Variants in NTM observed in about 807,000 individuals in gnomAD.
NTM encodes the protein IgLON family member 2.
A neutral mutation model predicts 42.1 loss-of-function variants in NTM; 13 were observed. That is an observed-to-expected ratio of 0.31 (90% CI 0.20 to 0.49). The LOEUF (loss-of-function observed/expected upper bound fraction) is 0.49, where lower values mean the gene tolerates loss of function less well. Among genes scored for constraint, NTM ranks in the 20% least tolerant of loss-of-function variants. The probability of loss-of-function intolerance (pLI) is 0.99; values close to 1 mark genes in which losing one functional copy is unlikely to be tolerated. For synonymous variants in NTM, 187 were observed against 179.2 expected (o/e 1.04, Z -0.35); for missense variants, 373 against 452.8 (o/e 0.82, Z 1.60).
At chr11:131,775,442 C>T (rs2086808706) in intron 1 of NTM, among the ~76,000 whole-genome samples, 1 of 152,140 alleles carries the variant, frequency 6.6e-6, no homozygotes, top group Non-Finnish European at 1.5e-5. Context: ...GATGAGATGA[C>T]ATTTTGGGTG....
chr11:131,993,728 C>CGGT, intron 2 of NTM, among the ~76,000 whole-genome samples: 1 of 152,102 alleles, frequency 6.6e-6, no homozygotes, highest in South Asian at 2.1e-4. Flanking sequence ...ACAGGCTGAG[C>CGGT]GGTGGCTCAT....
chr11:131,881,492 A>G (rs2049483965), intron 1 of NTM, among the ~76,000 whole-genome samples: 1 of 151,452 alleles, frequency 6.6e-6, no homozygotes, highest in Admixed American at 6.6e-5. Flanking sequence ...ACACACACAC[A>G]CACACACACA....
At chr11:131,776,242 T>C (rs2086951780) in intron 1 of NTM, among the ~76,000 whole-genome samples, 1 of 152,230 alleles carries the variant, frequency 6.6e-6, no homozygotes, top group South Asian at 2.1e-4. Context: ...CACATTGTCC[T>C]CCAGAATCTG....
chr11:131,613,339 A>C (rs527884828), intron 1 of NTM, among the ~76,000 whole-genome samples: 1 of 152,086 alleles, frequency 6.6e-6, no homozygotes, highest in African/African-American at 2.4e-5. Flanking sequence ...CCCCCGCCCA[A>C]GTTCTCTGAA....
At chr11:132,133,399 C>A (rs1421555757) in intron 2 of NTM, among the ~76,000 whole-genome samples, 1 of 152,188 alleles carries the variant, frequency 6.6e-6, no homozygotes, top group East Asian at 1.9e-4. Context: ...GAGCTTAACA[C>A]AATACATGGC....
At chr11:132,094,037 G>A (rs1332340910) in intron 2 of NTM, among the ~76,000 whole-genome samples, 2 of 152,126 alleles carry the variant, frequency 1.3e-5, no homozygotes, top group East Asian at 1.9e-4. Context: ...TACAGAAACC[G>A]CCGGTTTGGT....
intron 1 of NTM, among the ~76,000 whole-genome samples, chr11:131,666,386 C>T (rs2069051247): frequency 6.6e-6 from 1 of 152,168 alleles, no homozygotes; most frequent in Non-Finnish European, 1.5e-5. Flanking sequence ...CGGCCAGACT[C>T]ATGGATTCAC....
rs1040567455 is a variant in NTM, at chr11:131,545,051, C to T, written c.82+174163C>T. Among the ~76,000 whole-genome samples, 9 of 152,176 alleles carry T rather than the reference C, an allele frequency of 5.9e-5. No homozygotes were observed. The East Asian group carries it at 1.2e-3, about 20-fold the overall frequency. On this transcript the variant is annotated intron_variant, in intron 1 of 8. Coordinates refer to ENST00000683400, the MANE Select transcript of NTM (RefSeq NM_001352005.2). ...CGGGGCTGCAAGGGTAATATGTCTT[C>T]TATCACTGTCACTGCAATTCAGGTA...
intron 1 of NTM, among the ~76,000 whole-genome samples, chr11:131,508,924 T>G (rs951340349): frequency 2.7e-5 from 4 of 149,208 alleles, no homozygotes; most frequent in Admixed American, 6.7e-5. Flanking sequence ...CTGGGAGATA[T>G]ACCTAATGCT....
chr11:131,751,276 T>TA (rs201790875), intron 1 of NTM, among the ~76,000 whole-genome samples: 12,747 of 150,684 alleles, frequency 0.085, 608 homozygotes, highest in East Asian at 0.15. Flanking sequence ...TCTACTAAAA[T>TA]AAAAAATAAA....
intron 1 of NTM, among the ~76,000 whole-genome samples, chr11:131,634,489 T>G (rs1592303897): frequency 6.6e-6 from 1 of 152,272 alleles, no homozygotes; most frequent in East Asian, 1.9e-4. Context: ...AACTAGCTTC[T>G]CCATGACGCT....
At chr11:131,776,314 C>T (rs1175416936) in intron 1 of NTM, among the ~76,000 whole-genome samples, 1 of 152,202 alleles carries the variant, frequency 6.6e-6, no homozygotes, top group Non-Finnish European at 1.5e-5. Flanking sequence ...TGTGTGCAAA[C>T]CAGCTAATTT....
At chr11:132,195,029 G>C (rs1174956797) in intron 3 of NTM, among the ~76,000 whole-genome samples, 1 of 151,728 alleles carries the variant, frequency 6.6e-6, no homozygotes, top group East Asian at 1.9e-4. Context: ...CACCATGTTG[G>C]CCAGGTTGGT....
intron 1 of NTM, among the ~76,000 whole-genome samples, chr11:131,821,704 C>T (rs551819712): frequency 3.3e-5 from 5 of 152,252 alleles, no homozygotes; most frequent in South Asian, 2.1e-4. Flanking sequence ...GCGTATGTGG[C>T]GTGAGGTGGA....
intron 1 of NTM, among the ~76,000 whole-genome samples, chr11:131,469,651 CA>C (rs1952237739): frequency 1.3e-5 from 2 of 152,176 alleles, no homozygotes; most frequent in Admixed American, 1.3e-4. Flanking sequence ...GGGTTTAGGA[CA>C]AGATTGCCTG....
Position 131,715,495 on chromosome 11 carries a change from A to G in NTM, c.83-196069A>G, listed in dbSNP as rs186506312. Among the ~76,000 whole-genome samples, 56 of 152,356 alleles carry G rather than the reference A, an allele frequency of 3.7e-4. No individual in the cohort carries two copies. In the East Asian group the frequency reaches 0.011, roughly 29 times the overall value. On this transcript the variant is annotated intron_variant, in intron 1 of 8. Transcript: ENST00000683400. ...TATTGAGGTATAACTGATATATAAT[A>G]AAGAACAAATATTTAAAGTGTGCAA...
chr11:132,303,031 T>C (rs2140136389), intron 4 of NTM, among the ~76,000 whole-genome samples: 1 of 152,340 alleles, frequency 6.6e-6, no homozygotes. Flanking sequence ...ACAGACTATG[T>C]ACTAGCAGAG....
At chr11:132,105,247 G>A (rs564106608) in intron 2 of NTM, among the ~76,000 whole-genome samples, 16 of 151,746 alleles carry the variant, frequency 1.1e-4, no homozygotes, top group African/African-American at 2.9e-4. Context: ...ATGGAACGCC[G>A]TTTCCTGAAA....
intron 4 of NTM, among the ~76,000 whole-genome samples, chr11:132,299,137 TAAAA>T (rs561277816): frequency 7.3e-6 from 1 of 137,000 alleles, no homozygotes; most frequent in African/African-American, 2.8e-5. Context: ...CTACTGAAAA[TAAAA>T]AAAATTAGCT....
Sources: gnomAD v4.1 joint callset for allele counts (sites outside exome capture counted in the v4.1 genomes callset) on GRCh38, gnomAD v4.1.1 for gene constraint, MANE v1.5 for transcripts, NCBI Gene and HGNC (gene_info 2026-07-23, HGNC 2026-07-21) for gene names.